The following CNOT1 variants were observed in gnomAD, a reference collection of about 807,000 sequenced individuals.
CNOT1 encodes CCR4-NOT transcription complex subunit 1.
A neutral mutation model predicts 273.8 loss-of-function variants in CNOT1; 15 were observed. The observed-to-expected ratio is 0.05, with a 90% CI of 0.04 to 0.08. CNOT1 has a LOEUF of 0.08. Among genes scored for constraint, CNOT1 ranks in the 10% least tolerant of loss-of-function variants. The probability of loss-of-function intolerance (pLI) is 1.00; values close to 1 mark genes in which losing one functional copy is unlikely to be tolerated. For synonymous variants in CNOT1, 1,022 were observed against 1,005.5 expected, an observed-to-expected ratio of 1.02 and a Z score of -0.31; for missense variants, 1,644 against 2,912.2, an observed-to-expected ratio of 0.56 and a Z score of 10.02.
chr16:58,532,498 G>T lies in CNOT1; in HGVS notation c.5896-103C>A, dbSNP rs754646191. 6.0e-4 allele frequency: 891 copies of T among 1,496,200 alleles called. 1 individual carries two copies. Among genetic ancestry groups the T allele is most frequent in the Non-Finnish European group, 7.6e-4 (855 of 1,123,854 alleles). The allele number at this position is 1,496,200 out of a possible 1,614,324, so 92.7% of individuals were successfully genotyped here. A position where few individuals can be genotyped will look rare whatever the true frequency, so the allele number is the denominator to read the frequency against. ...TTGCATTCTTAAACCCAACATTAAA[G>T]GAAAGCATATATACAATTTGAATAC... On this transcript the variant is annotated intron_variant, in intron 40 of 48. Transcript: ENST00000317147.
In CNOT1 at chr16:58,549,901, A is replaced by T; in HGVS notation, c.3343-3T>A. Reference sequence around the variant, plus strand: ...ACCGTTTCCTTTAGCTCTTCAACCTAGCCGGTCAATACGACATGGGAAGCA... The same window carrying T: ...ACCGTTTCCTTTAGCTCTTCAACCTTGCCGGTCAATACGACATGGGAAGCA... On this transcript the variant is annotated splice_polypyrimidine_tract_variant and splice_region_variant and intron_variant, in intron 24 of 48. Coordinates refer to ENST00000317147, the MANE Select transcript of CNOT1 (RefSeq NM_016284.5). 1 of 1,613,538 alleles carries T rather than the reference A, an allele frequency of 6.2e-7. No homozygotes were observed. The highest frequency in any genetic ancestry group is 1.7e-5 in the Admixed American group (1 of 59,850).
chr16:58,586,801 TA>T, intron 6 of CNOT1, 53 bp from the exon 7 acceptor site: 1 of 1,562,274 alleles, frequency 6.4e-7, no homozygotes, highest in Non-Finnish European at 8.7e-7. Context: ...CACAATGGGT[TA>T]AAAAGTCATA....
At chr16:58,596,887 CAAAAAAAAAAAAAA>C (rs58567423) in intron 2 of CNOT1, among the ~76,000 whole-genome samples, 1 of 69,984 alleles carries the variant, frequency 1.4e-5, no homozygotes, top group Non-Finnish European at 2.5e-5. Context: ...GACTCCGTCT[CAAAAAAAAAAAAAA>C]AAAAAAAAAA....
At chr16:58,568,141 C>T (rs944572047) in intron 16 of CNOT1, among the ~76,000 whole-genome samples, 7 of 151,862 alleles carry the variant, frequency 4.6e-5, no homozygotes, top group East Asian at 3.9e-4. Context: ...GGGAGGCGGG[C>T]GAATCACCTG....
chr16:58,522,731 G>A (rs540258826), intron 47 of CNOT1, among the ~76,000 whole-genome samples: 3 of 152,342 alleles, frequency 2.0e-5, no homozygotes, highest in South Asian at 4.1e-4. Flanking sequence ...TCATAGGCCT[G>A]CATGATTTAG....
At chr16:58,532,154 G>T (rs1183298126) in intron 41 of CNOT1, 78 bp downstream of exon 41, 14 of 1,605,904 alleles carry the variant, frequency 8.7e-6, no homozygotes, top group African/African-American at 1.3e-5. Context: ...GGCTCAAAAT[G>T]CTCAAGAGTT....
Position 58,555,242 on chromosome 16 carries a change from T to C in CNOT1, c.2891+9A>G. The C allele has an allele frequency of 1.2e-6, 2 of 1,613,264 alleles. No homozygotes were observed. Among genetic ancestry groups the C allele is most frequent in the Non-Finnish European group, 1.7e-6 (2 of 1,179,622 alleles). ...GAAGAGATCCTTCACAGGAAACCTA[T>C]CCACTTACCTGTTTTTAAATCTATC... On this transcript the variant is annotated intron_variant, in intron 21 of 48. Transcript: ENST00000317147.
At chr16:58,618,764 A>G (rs1027650424) in intron 1 of CNOT1, among the ~76,000 whole-genome samples, 6 of 152,152 alleles carry the variant, frequency 3.9e-5, no homozygotes, top group East Asian at 1.9e-4. Flanking sequence ...CCTGTCTGAC[A>G]TGAAAAAAAG....
Position 58,551,738 on chromosome 16 carries a change from C to G in CNOT1, c.3052G>C (p.Ala1018Pro). 6.2e-7 allele frequency: 1 copy of G among 1,614,130 alleles called. No homozygotes were observed. The highest frequency in any genetic ancestry group is 8.5e-7 in the Non-Finnish European group (1 of 1,180,020). ...ACCTGGGCCTGAGCCTGGGCCTGAG[C>G]CAGTGCAATACTTCCAGGGGTTGTG... ...SITTPGSIAL[A>P]QAQAQAQVPA... The change falls in exon 23 of 49, where the codon GCT becomes CCT. Residue 1018 changes from alanine (A) to proline (P), a missense_variant. Ala to Pro is a conservative substitution (Grantham distance 27, BLOSUM62 -1). Coordinates refer to ENST00000317147, the MANE Select transcript of CNOT1 (RefSeq NM_016284.5).
chr16:58,533,909 C>T (rs888764022), intron 40 of CNOT1, among the ~76,000 whole-genome samples: 1 of 152,008 alleles, frequency 6.6e-6, no homozygotes, highest in Admixed American at 6.6e-5. Context: ...GCAGGTGGAT[C>T]ACTCGAGGCC....
At chr16:58,609,386 C>A (rs890457017) in intron 1 of CNOT1, among the ~76,000 whole-genome samples, 1 of 151,544 alleles carries the variant, frequency 6.6e-6, no homozygotes, top group Non-Finnish European at 1.5e-5. Flanking sequence ...AAAAACACAA[C>A]AAAATACAAA....
At position 58,564,537 on chromosome 16, in the gene CNOT1, C is replaced by T. The variant is rs550736389; in HGVS notation, c.1980-4175G>A. Among the ~76,000 whole-genome samples, 10 of 151,962 alleles carry T rather than the reference C, an allele frequency of 6.6e-5. No individual in the cohort carries two copies. The East Asian group carries it at 1.9e-3, about 29-fold the overall frequency. ...ACCAATTGTAATATAAGACACATCA[C>T]CAATGAGACACATCATTTCAGAAAT... On this transcript the variant is annotated intron_variant, in intron 16 of 48. Coordinates refer to ENST00000317147, the MANE Select transcript of CNOT1 (RefSeq NM_016284.5).
intron 34 of CNOT1, among the ~76,000 whole-genome samples, 180 bp downstream of exon 34, chr16:58,541,321 T>G (rs1196985779): frequency 3.3e-5 from 5 of 152,222 alleles, no homozygotes; most frequent in Non-Finnish European, 7.3e-5. Flanking sequence ...TGTCAATTTT[T>G]CTTTAATCCC....
chr16:58,527,575 C>T (rs544998097), intron 44 of CNOT1, among the ~76,000 whole-genome samples: 1 of 152,066 alleles, frequency 6.6e-6, no homozygotes, highest in East Asian at 1.9e-4. Context: ...CAATAAAAAA[C>T]ACAAATTTTA....
rs76666430 is a variant in CNOT1 at position 58,532,571 on chromosome 16, G to A, written c.5896-176C>T. 8.0e-3 allele frequency: 8,910 copies of A among 1,113,122 alleles called. 52 individuals carry two copies. The highest frequency in any genetic ancestry group is 9.1e-3 in the Non-Finnish European group (7,404 of 814,790). 69.0% of individuals were successfully genotyped at this position (1,113,122 alleles called of 1,614,324 possible). On this transcript the variant is annotated intron_variant, in intron 40 of 48. Coordinates refer to ENST00000317147, the MANE Select transcript of CNOT1 (RefSeq NM_016284.5). ...TAGGGTCATAAATTGGTCTGACTCC[G>A]CCTTCAGTGTTTTGTGTGTTTCTTT...
chr16:58,623,240 T>TA, intron 1 of CNOT1: 1 of 152,126 alleles, frequency 6.6e-6, no homozygotes, highest in Non-Finnish European at 1.5e-5. Context: ...ATATTTCAAA[T>TA]AATTACTTCA....
At position 58,520,171 on chromosome 16, in the gene CNOT1, A is replaced by G. The variant is rs1170256798; in HGVS notation, c.*787T>C. 6.6e-6 allele frequency: 1 copy of G among 151,982 alleles called. No individual in the cohort carries two copies. The highest frequency in any genetic ancestry group is 1.5e-5 in the Non-Finnish European group (1 of 67,990). 9.4% of individuals were successfully genotyped at this position (151,982 alleles called of 1,614,324 possible). ...TTCAGTGGGGTAATGGGGGAGAACA[A>G]TTAATTAATGAGATTTGGTTCCCTT... is the stretch of plus-strand genomic sequence containing the variant. On this transcript the variant is annotated 3_prime_UTR_variant, in exon 49 of 49. Transcript: ENST00000317147.
chr16:58,549,013 G>T (rs952406934), intron 25 of CNOT1, among the ~76,000 whole-genome samples: 16 of 152,194 alleles, frequency 1.1e-4, no homozygotes, highest in African/African-American at 3.9e-4. Context: ...GACTGGCCGG[G>T]CACAGTGGCT....
chr16:58,617,516 G>T (rs1483340837), intron 1 of CNOT1, among the ~76,000 whole-genome samples: 1 of 152,094 alleles, frequency 6.6e-6, no homozygotes, highest in Non-Finnish European at 1.5e-5. Context: ...ATACTCATTG[G>T]TGCATATTGG....
Sources: allele counts gnomAD v4.1 joint callset (sites outside exome capture counted in the v4.1 genomes callset), GRCh38; gene constraint gnomAD v4.1.1; transcripts MANE v1.5; gene names NCBI Gene and HGNC (gene_info 2026-07-23, HGNC 2026-07-21).